The following HSD17B2 variants were observed in gnomAD, a reference collection of about 807,000 sequenced individuals.
HSD17B2 encodes the protein hydroxysteroid 17-beta dehydrogenase 2, also known as 17-beta-hydroxysteroid dehydrogenase type 2.
In HSD17B2, 32 loss-of-function variants were observed where a neutral mutation model predicts 26.9. The observed-to-expected ratio is 1.19, with a 90% CI of 0.90 to 1.60. The LOEUF is 1.60. Among genes scored for constraint, HSD17B2 ranks in the 40% most tolerant of loss-of-function variants. The pLI, the probability that HSD17B2 is intolerant of heterozygous loss-of-function variation, is 0.00. For missense variants in HSD17B2, 613 were observed against 468.6 expected (o/e 1.31, Z -2.85); for synonymous variants, 246 against 186.7 (o/e 1.32, Z -2.59).
At chr16:82,079,766 GA>G (rs1904332950) in intron 3 of HSD17B2, among the ~76,000 whole-genome samples, 1 of 152,152 alleles carries the variant, frequency 6.6e-6, no homozygotes, top group African/African-American at 2.4e-5. Context: ...ACAAGGATTA[GA>G]AAAGTCAAAG....
intron 3 of HSD17B2, among the ~76,000 whole-genome samples, chr16:82,079,750 T>C (rs1052505820): frequency 6.6e-6 from 1 of 152,122 alleles, no homozygotes; most frequent in African/African-American, 2.4e-5. Context: ...AAAGCTAGAA[T>C]GTAACACAAG....
chr16:82,087,724 A>G (rs1408119280), intron 3 of HSD17B2, among the ~76,000 whole-genome samples: 1 of 152,154 alleles, frequency 6.6e-6, no homozygotes, highest in Non-Finnish European at 1.5e-5. Context: ...ACAGAAATTG[A>G]TTGGCTCTTG....
chr16:82,095,352 G>T (rs148475646), intron 4 of HSD17B2: 1 of 152,430 alleles, frequency 6.6e-6, no homozygotes, highest in East Asian at 1.9e-4. Context: ...AAGTATAATT[G>T]GATTTCACTG....
intron 1 of HSD17B2, among the ~76,000 whole-genome samples, chr16:82,058,690 T>G (rs182073125): frequency 1.1e-4 from 17 of 152,326 alleles, no homozygotes; most frequent in African/African-American, 3.8e-4. Flanking sequence ...CAGGTCTTAG[T>G]TGAATGCTGA....
At chr16:82,062,813 G>C (rs941935989) in intron 1 of HSD17B2, among the ~76,000 whole-genome samples, 1 of 152,222 alleles carries the variant, frequency 6.6e-6, no homozygotes, top group African/African-American at 2.4e-5. Flanking sequence ...CCCTGGCTTT[G>C]TTGCCAGGTT....
At chr16:82,038,279 T>C (rs1166406270) in intron 1 of HSD17B2, among the ~76,000 whole-genome samples, 2 of 152,360 alleles carry the variant, frequency 1.3e-5, no homozygotes, top group East Asian at 3.9e-4. Flanking sequence ...CATATTTGTC[T>C]TCAAGATACC....
intron 1 of HSD17B2, among the ~76,000 whole-genome samples, chr16:82,039,067 G>A (rs1311560940): frequency 6.6e-6 from 1 of 152,164 alleles, no homozygotes; most frequent in East Asian, 1.9e-4. Flanking sequence ...AGAATCGCAG[G>A]TGCTGGCTGC....
At chr16:82,050,522 G>T in intron 1 of HSD17B2, among the ~76,000 whole-genome samples, 1 of 152,030 alleles carries the variant, frequency 6.6e-6, no homozygotes, top group East Asian at 1.9e-4. Context: ...TGCAGAGTAG[G>T]TTGAGTGTCT....
At chr16:82,044,098 C>T (rs1374126052) in intron 1 of HSD17B2, among the ~76,000 whole-genome samples, 2 of 152,166 alleles carry the variant, frequency 1.3e-5, no homozygotes, top group African/African-American at 4.8e-5. Context: ...TCTATTTAGC[C>T]TCCTCTGAAC....
chr16:82,079,904 G>A (rs1221819289), intron 3 of HSD17B2, among the ~76,000 whole-genome samples: 1 of 152,170 alleles, frequency 6.6e-6, no homozygotes, highest in Admixed American at 6.5e-5. Flanking sequence ...TTATCTGGGA[G>A]TTCATTGCTG....
intron 1 of HSD17B2, among the ~76,000 whole-genome samples, chr16:82,053,811 C>A (rs554614307): frequency 6.6e-6 from 1 of 152,192 alleles, no homozygotes; most frequent in Non-Finnish European, 1.5e-5. Context: ...TCAAACAACA[C>A]TGGACATGGA....
At chr16:82,094,303 C>G (rs992686683) in intron 4 of HSD17B2, 2 of 152,216 alleles carry the variant, frequency 1.3e-5, no homozygotes, top group Admixed American at 1.3e-4. Context: ...CTGTCTTCAG[C>G]TTTACTGAAT....
At chr16:82,057,432 C>T (rs750650945) in intron 1 of HSD17B2, among the ~76,000 whole-genome samples, 1 of 152,190 alleles carries the variant, frequency 6.6e-6, no homozygotes, top group Admixed American at 6.5e-5. Flanking sequence ...TTCCTGACCT[C>T]GTGATCCACC....
chr16:82,089,004 C>G (rs557042163), intron 3 of HSD17B2, among the ~76,000 whole-genome samples: 35 of 152,238 alleles, frequency 2.3e-4, no homozygotes, highest in African/African-American at 7.7e-4. Context: ...GCACTAATCC[C>G]TCTCATCATG....
Position 82,091,209 on chromosome 16 carries a change from G to T in HSD17B2, c.802+170G>T, listed in dbSNP as rs1469651103. On this transcript the variant is annotated intron_variant, in intron 4 of 4. Coordinates refer to ENST00000199936, the MANE Select transcript of HSD17B2 (RefSeq NM_002153.3). ...TTTGATTCAGTAACTGCTGACAGTA[G>T]GGGAAAGAGCTAAGCTCCATTCTGA... The T allele has an allele frequency of 4.1e-6, 3 of 736,592 alleles. No homozygotes were observed. The South Asian group carries it at 4.4e-5, about 11-fold the overall frequency. 45.6% of individuals were successfully genotyped at this position (736,592 alleles called of 1,614,324 possible).
At chr16:82,084,074 C>G (rs951154138) in intron 3 of HSD17B2, among the ~76,000 whole-genome samples, 3 of 152,114 alleles carry the variant, frequency 2.0e-5, no homozygotes, top group African/African-American at 7.2e-5. Context: ...TGACCCAGGC[C>G]TCAGAGATTT....
chr16:82,063,680 C>T (rs1487972471), intron 1 of HSD17B2, among the ~76,000 whole-genome samples: 2 of 152,158 alleles, frequency 1.3e-5, no homozygotes, highest in Non-Finnish European at 1.5e-5. Context: ...GCTAAAGAGG[C>T]ATAAACAAGG....
chr16:82,042,717 G>C (rs1488463541), intron 1 of HSD17B2, among the ~76,000 whole-genome samples: 1 of 151,908 alleles, frequency 6.6e-6, no homozygotes, highest in African/African-American at 2.4e-5. Context: ...CTCCTCCTGG[G>C]TTCAAGCAAT....
chr16:82,036,665 T>C (rs537006911), intron 1 of HSD17B2, among the ~76,000 whole-genome samples: 2 of 152,238 alleles, frequency 1.3e-5, no homozygotes, highest in African/African-American at 4.8e-5. Context: ...TAAAATGCTT[T>C]CTTGAAACAA....
Sources: allele counts gnomAD v4.1 joint callset (sites outside exome capture counted in the v4.1 genomes callset), GRCh38; gene constraint gnomAD v4.1.1; transcripts MANE v1.5; gene names NCBI Gene and HGNC (gene_info 2026-07-23, HGNC 2026-07-21).